The following SNX8 variants were observed in gnomAD, a reference collection of about 807,000 sequenced individuals.
SNX8 encodes sorting nexin-8.
In SNX8, 25 loss-of-function variants were observed where a neutral mutation model predicts 51.6. That is an observed-to-expected ratio of 0.48 (90% CI 0.35 to 0.68). SNX8 has a LOEUF of 0.68. Among genes scored for constraint, SNX8 ranks in the 30% least tolerant of loss-of-function variants. The pLI, the probability that SNX8 is intolerant of heterozygous loss-of-function variation, is 0.00. For synonymous variants in SNX8, 324 were observed against 277.0 expected, an observed-to-expected ratio of 1.17 and a Z score of -1.68; for missense variants, 695 against 624.0, an observed-to-expected ratio of 1.11 and a Z score of -1.21.
chr7:2,302,286 G>T (rs1295911484), intron 1 of SNX8, among the ~76,000 whole-genome samples: 5 of 152,206 alleles, frequency 3.3e-5, no homozygotes, highest in Admixed American at 1.3e-4. Context: ...TATTTTTTTG[G>T]TGGAGACGGG....
intron 1 of SNX8, among the ~76,000 whole-genome samples, chr7:2,305,841 G>A (rs1796532400): frequency 6.6e-6 from 1 of 151,896 alleles, no homozygotes; most frequent in Non-Finnish European, 1.5e-5. Flanking sequence ...AGCACTTTGG[G>A]AGGCCGAAGC....
At chr7:2,267,846 C>T (rs1291438833) in intron 5 of SNX8, among the ~76,000 whole-genome samples, 1 of 118,880 alleles carries the variant, frequency 8.4e-6, no homozygotes, top group African/African-American at 3.5e-5. Context: ...CGCCCGGCCG[C>T]CATCCCATCT....
At chr7:2,256,494 A>C (rs1199875867) in intron 10 of SNX8, among the ~76,000 whole-genome samples, 1 of 152,214 alleles carries the variant, frequency 6.6e-6, no homozygotes, top group African/African-American at 2.4e-5. Context: ...TCTGCTCTGG[A>C]GGAAGCCGGC....
intron 1 of SNX8, among the ~76,000 whole-genome samples, chr7:2,303,989 A>C (rs1796480386): frequency 6.7e-6 from 1 of 149,592 alleles, no homozygotes; most frequent in Non-Finnish European, 1.5e-5. Flanking sequence ...AAAAAAAATA[A>C]AAACTTAAAA....
intron 1 of SNX8, among the ~76,000 whole-genome samples, chr7:2,282,445 A>C (rs1795928200): frequency 6.6e-6 from 1 of 152,226 alleles, no homozygotes; most frequent in South Asian, 2.1e-4. Flanking sequence ...GCAACAAAAA[A>C]AGGGGAAACA....
At chr7:2,320,026 T>C (rs1332208803) in intron 1 of SNX8, among the ~76,000 whole-genome samples, 1 of 152,048 alleles carries the variant, frequency 6.6e-6, no homozygotes, top group African/African-American at 2.4e-5. Flanking sequence ...GTTATACAAG[T>C]ATAAAAGTAC....
chr7:2,340,622 T>C (rs1778903809), intron 1 of SNX8, among the ~76,000 whole-genome samples: 1 of 150,590 alleles, frequency 6.6e-6, no homozygotes, highest in Non-Finnish European at 1.5e-5. Context: ...TTTGGGAGGC[T>C]GAAGAGGGCG....
intron 5 of SNX8, among the ~76,000 whole-genome samples, chr7:2,267,468 A>G (rs1382506116): frequency 3.1e-5 from 4 of 129,666 alleles, no homozygotes; most frequent in Non-Finnish European, 5.2e-5. Context: ...GATTGCAGGC[A>G]CGCGCCGCCA....
chr7:2,325,175 C>G (rs1019734854), intron 1 of SNX8, among the ~76,000 whole-genome samples: 1 of 152,092 alleles, frequency 6.6e-6, no homozygotes, highest in African/African-American at 2.4e-5. Context: ...GAGTTTTGCT[C>G]TCTTGACTAG....
intron 1 of SNX8, among the ~76,000 whole-genome samples, chr7:2,296,861 C>T (rs1307263758): frequency 6.6e-6 from 1 of 151,780 alleles, no homozygotes; most frequent in East Asian, 1.9e-4. Flanking sequence ...ACCTGGGAGG[C>T]AGAGGTTGCA....
chr7:2,327,915 T>A (rs941049271), intron 1 of SNX8, among the ~76,000 whole-genome samples: 4 of 152,052 alleles, frequency 2.6e-5, no homozygotes, highest in African/African-American at 9.7e-5. Flanking sequence ...CAGGCTGGAG[T>A]GCAGCGGCAC....
At position 2,256,943 on chromosome 7, in the gene SNX8, G is replaced by A. The variant is rs777794846; in HGVS notation, c.1215C>T (p.His405=). ...TGTGGGAGGTGAGGGGCAGGTAGAC[G>A]TGGATGAGCTGCGTCTCCTGGTGCA... ...YCLHQETQLI[H]VYLPLTSHIL... The change falls in exon 10 of 11, where the codon CAC becomes CAT. Residue 405 remains histidine, a synonymous_variant. Transcript: ENST00000222990. 2 of 1,613,546 alleles carry A rather than the reference G, an allele frequency of 1.2e-6. No homozygotes were observed. Among genetic ancestry groups the A allele is most frequent in the Admixed American group, 1.7e-5 (1 of 59,984 alleles).
chr7:2,348,882 G>A (rs950277214), intron 1 of SNX8, among the ~76,000 whole-genome samples: 5 of 150,214 alleles, frequency 3.3e-5, no homozygotes, highest in South Asian at 4.2e-4. Flanking sequence ...AACCCGGGAG[G>A]CGGAGTTACA....
chr7:2,299,018 A>G (rs1796334518), intron 1 of SNX8, among the ~76,000 whole-genome samples: 1 of 151,882 alleles, frequency 6.6e-6, no homozygotes, highest in Admixed American at 6.6e-5. Context: ...TAATGGGCCT[A>G]TACTCCTGAT....
intron 1 of SNX8, among the ~76,000 whole-genome samples, chr7:2,278,541 G>T (rs897117260): frequency 1.3e-5 from 2 of 152,184 alleles, no homozygotes; most frequent in East Asian, 1.9e-4. Context: ...TCAGCACATG[G>T]ACTCTGGCCA....
intron 10 of SNX8, among the ~76,000 whole-genome samples, chr7:2,255,616 G>A (rs948997204): frequency 2.0e-5 from 3 of 152,218 alleles, no homozygotes; most frequent in African/African-American, 7.2e-5. Flanking sequence ...GCACCTGCCT[G>A]TGGTCCCAGC....
intron 1 of SNX8, among the ~76,000 whole-genome samples, chr7:2,292,525 C>T (rs1474253770): frequency 6.6e-6 from 1 of 151,862 alleles, no homozygotes; most frequent in African/African-American, 2.4e-5. Flanking sequence ...CATTCTCCTG[C>T]CTCAGCCTCC....
At chr7:2,294,220 G>A (rs1019178606) in intron 1 of SNX8, among the ~76,000 whole-genome samples, 12 of 151,506 alleles carry the variant, frequency 7.9e-5, no homozygotes, top group African/African-American at 2.7e-4. Flanking sequence ...CCGAGATCAC[G>A]CCATTGCACC....
chr7:2,353,184 C>A (rs1779197273), intron 1 of SNX8, among the ~76,000 whole-genome samples: 1 of 151,992 alleles, frequency 6.6e-6, no homozygotes, highest in Admixed American at 6.6e-5. Context: ...AAGTACTTGG[C>A]AATGTACTTA....
Sources: gnomAD v4.1 joint callset for allele counts (sites outside exome capture counted in the v4.1 genomes callset) on GRCh38, gnomAD v4.1.1 for gene constraint, MANE v1.5 for transcripts, NCBI Gene and HGNC (gene_info 2026-07-23, HGNC 2026-07-21) for gene names.